Variants in FRMD4B observed in about 807,000 individuals in gnomAD.
FRMD4B encodes the protein FERM domain containing 4B.
Under a neutral mutation model 141.5 loss-of-function variants are expected in FRMD4B, and 74 were observed. The observed-to-expected ratio is 0.52, with a 90% CI of 0.43 to 0.63. The LOEUF (loss-of-function observed/expected upper bound fraction) is 0.63. Among genes scored for constraint, FRMD4B ranks in the 30% least tolerant of loss-of-function variants. The pLI is 0.00. For missense variants in FRMD4B, 1,366 were observed against 1,253.4 expected, an observed-to-expected ratio of 1.09 and a Z score of -1.36; for synonymous variants, 506 against 467.9, an observed-to-expected ratio of 1.08 and a Z score of -1.05.
rs547456821 is a variant in FRMD4B, at chr3:69,313,117, G to T, written c.228+335C>A. ...AGTAATCCTTTCAGGAAGTACTACG[G>T]TTCCCAATTTACCGGCAAGAGACTC... On this transcript the variant is annotated intron_variant, in intron 2 of 22. Transcript: ENST00000398540. Among the ~76,000 whole-genome samples, 3 of 152,230 alleles carry T rather than the reference G, an allele frequency of 2.0e-5. No individual in the cohort carries two copies. The South Asian group carries it at 6.2e-4, about 32-fold the overall frequency.
At chr3:69,173,570 T>G (rs889368578) in intron 22 of FRMD4B, among the ~76,000 whole-genome samples, 2 of 152,326 alleles carry the variant, frequency 1.3e-5, no homozygotes, top group Admixed American at 1.3e-4. Context: ...TAGAGCAAAT[T>G]TATAAAGCTT....
At chr3:69,517,393 T>A (rs557006040) in intron 1 of FRMD4B, among the ~76,000 whole-genome samples, 1 of 151,898 alleles carries the variant, frequency 6.6e-6, no homozygotes, top group East Asian at 1.9e-4. Flanking sequence ...AGAGCACCAG[T>A]CACATAAATA....
chr3:69,310,553 A>C (rs768715800), intron 3 of FRMD4B: 39 of 298,656 alleles, frequency 1.3e-4, no homozygotes, highest in East Asian at 8.5e-4. Context: ...CACACAGACA[A>C]ACACACACAC....
intron 1 of FRMD4B, among the ~76,000 whole-genome samples, chr3:69,455,867 T>G (rs1705597489): frequency 6.6e-6 from 1 of 152,192 alleles, no homozygotes; most frequent in Non-Finnish European, 1.5e-5. Flanking sequence ...GCTGGCAGCT[T>G]GAGACTTCTA....
intron 1 of FRMD4B, among the ~76,000 whole-genome samples, chr3:69,342,676 G>C (rs944909761): frequency 5.9e-5 from 9 of 152,114 alleles, no homozygotes; most frequent in African/African-American, 2.2e-4. Context: ...ATTGATAATA[G>C]TGATGTTTCA....
At chr3:69,200,534 G>C (rs1188703868) in intron 11 of FRMD4B, 6 of 1,101,740 alleles carry the variant, frequency 5.4e-6, no homozygotes, top group African/African-American at 3.3e-5. Context: ...AAGACACTTA[G>C]GTGTAACTCA....
At chr3:69,308,364 C>T (rs1251778835) in intron 3 of FRMD4B, among the ~76,000 whole-genome samples, 2 of 152,062 alleles carry the variant, frequency 1.3e-5, no homozygotes, top group African/African-American at 4.8e-5. Flanking sequence ...TTCTCTGATA[C>T]CTGCTCCTAC....
chr3:69,217,569 C>T, intron 10 of FRMD4B, among the ~76,000 whole-genome samples: 1 of 152,176 alleles, frequency 6.6e-6, no homozygotes, highest in East Asian at 1.9e-4. Flanking sequence ...TTGCAGTGAG[C>T]TGAGATCACG....
chr3:69,455,597 T>C (rs557418211), intron 1 of FRMD4B, among the ~76,000 whole-genome samples: 1 of 152,276 alleles, frequency 6.6e-6, no homozygotes, highest in East Asian at 1.9e-4. Context: ...AAACCCTGGA[T>C]GCACCATCTT....
intron 1 of FRMD4B, chr3:69,353,479 C>T (rs746447448): frequency 1.0e-5 from 7 of 685,916 alleles, no homozygotes; most frequent in Non-Finnish European, 1.3e-5. Context: ...AAATGCCAGT[C>T]AAAGCTGAAG....
chr3:69,448,793 T>G (rs541038868), intron 1 of FRMD4B, among the ~76,000 whole-genome samples: 5 of 152,346 alleles, frequency 3.3e-5, no homozygotes, highest in African/African-American at 1.2e-4. Context: ...ATATTCAGAC[T>G]ATAAAGAATA....
chr3:69,248,180 T>C (rs1346906391), intron 7 of FRMD4B, among the ~76,000 whole-genome samples: 1 of 152,058 alleles, frequency 6.6e-6, no homozygotes, highest in African/African-American at 2.4e-5. Context: ...TTTCTTTCCA[T>C]TAAAAACAAC....
At chr3:69,514,919 A>G (rs1254687473) in intron 1 of FRMD4B, among the ~76,000 whole-genome samples, 2 of 152,218 alleles carry the variant, frequency 1.3e-5, no homozygotes, top group Non-Finnish European at 2.9e-5. Context: ...ACTTTTGAAA[A>G]AAATGAACAA....
intron 1 of FRMD4B, among the ~76,000 whole-genome samples, chr3:69,507,414 G>C (rs1472638184): frequency 6.6e-6 from 1 of 151,998 alleles, no homozygotes; most frequent in African/African-American, 2.4e-5. Flanking sequence ...TTTCAGTTTT[G>C]AGTCACAGTA....
At chr3:69,536,323 T>A in intron 1 of FRMD4B, 1 of 658,154 alleles carries the variant, frequency 1.5e-6, no homozygotes, top group Non-Finnish European at 2.8e-6. Context: ...GGGATCTAAT[T>A]TGAAGCTGCC....
intron 7 of FRMD4B, among the ~76,000 whole-genome samples, chr3:69,229,550 GA>G (rs1371166599): frequency 1.3e-5 from 2 of 152,146 alleles, no homozygotes; most frequent in African/African-American, 4.8e-5. Flanking sequence ...CACTAAAAGA[GA>G]AAGCCAGCAG....
chr3:69,434,491 G>T (rs1705230615), intron 1 of FRMD4B, among the ~76,000 whole-genome samples: 1 of 152,046 alleles, frequency 6.6e-6, no homozygotes, highest in Non-Finnish European at 1.5e-5. Flanking sequence ...ATAAACCAAA[G>T]AAATATGCAT....
intron 5 of FRMD4B, among the ~76,000 whole-genome samples, chr3:69,287,434 G>T (rs183912523): frequency 2.6e-5 from 4 of 152,272 alleles, no homozygotes; most frequent in Non-Finnish European, 5.9e-5. Context: ...TTCTGGCCTA[G>T]ACGTTTTGAT....
intron 1 of FRMD4B, among the ~76,000 whole-genome samples, chr3:69,517,998 ATGC>A (rs921624818): frequency 2.6e-5 from 4 of 152,142 alleles, no homozygotes; most frequent in Non-Finnish European, 4.4e-5. Context: ...TCCCCAAGAG[ATGC>A]TGCTGCTGCT....
Sources: gnomAD v4.1 joint callset for allele counts (sites outside exome capture counted in the v4.1 genomes callset) on GRCh38, gnomAD v4.1.1 for gene constraint, MANE v1.5 for transcripts, NCBI Gene and HGNC (gene_info 2026-07-23, HGNC 2026-07-21) for gene names.